The following PCID2 variants were observed in gnomAD, a reference collection of about 807,000 sequenced individuals.
PCID2 encodes PCI domain containing 2, also known as PCI domain-containing protein 2.
A neutral mutation model predicts 61.3 loss-of-function variants in PCID2; 41 were observed. The observed-to-expected ratio is 0.67, with a 90% confidence interval of 0.52 to 0.87. PCID2 has a LOEUF of 0.87. Ranked by LOEUF, PCID2 falls within the 40% of genes least tolerant of loss-of-function variation. PCID2 has a pLI of 0.00. For synonymous variants in PCID2, 187 were observed against 177.8 expected, an observed-to-expected ratio of 1.05 and a Z score of -0.41; for missense variants, 392 against 493.4, an observed-to-expected ratio of 0.79 and a Z score of 1.95.
intron 4 of PCID2, chr13:113,196,947 C>T: frequency 2.7e-6 from 3 of 1,094,352 alleles, no homozygotes; most frequent in Admixed American, 1.7e-5. Context: ...AGAGTAAGAT[C>T]CTTCTTCCTA....
chr13:113,170,237 G>A, the PCID2 span, among the ~76,000 whole-genome samples: 6 of 129,722 alleles, frequency 4.6e-5, no homozygotes, highest in African/African-American at 1.2e-4. Context: ...TCAACAATTC[G>A]TTAACAATCC....
At chr13:113,189,605 G>C (rs760431124) in intron 7 of PCID2, among the ~76,000 whole-genome samples, 4 of 151,638 alleles carry the variant, frequency 2.6e-5, no homozygotes, top group Non-Finnish European at 5.9e-5. Context: ...AAGAAAAAAT[G>C]GAAATTCTAA....
chr13:113,176,556 G>A (rs1313067063), downstream of PCID2, among the ~76,000 whole-genome samples: 9 of 152,142 alleles, frequency 5.9e-5, no homozygotes, highest in South Asian at 2.1e-4. Context: ...TAGCCCAGGC[G>A]TTCCAGACCA....
intron 9 of PCID2, among the ~76,000 whole-genome samples, chr13:113,182,066 A>C (rs2037687332): frequency 6.6e-6 from 1 of 152,194 alleles, no homozygotes; most frequent in Admixed American, 6.5e-5. Flanking sequence ...GTTCCTGTTT[A>C]TGTAAGTTCT....
At chr13:113,173,298 C>A (rs1269990725), downstream of PCID2, among the ~76,000 whole-genome samples, 1 of 152,352 alleles carries the variant, frequency 6.6e-6, no homozygotes, top group Non-Finnish European at 1.5e-5. Flanking sequence ...GTCCAGCCCC[C>A]AGTGAAACGT....
At chr13:113,171,394 C>A in the PCID2 span, among the ~76,000 whole-genome samples, 6 of 152,280 alleles carry the variant, frequency 3.9e-5, no homozygotes, top group East Asian at 5.8e-4. The surrounding 1 kb of genome is among the most constrained non-coding windows in gnomAD (Gnocchi z 5.1). Flanking sequence ...AAGGCTGTGG[C>A]ACTTGGTTGC....
chr13:113,174,891 C>T (rs943423570), downstream of PCID2, among the ~76,000 whole-genome samples: 9 of 152,336 alleles, frequency 5.9e-5, no homozygotes, highest in East Asian at 9.6e-4. Context: ...TGTGTACGCC[C>T]GTGGACTTGA....
intron 10 of PCID2, 63 bp downstream of exon 10, chr13:113,181,067 C>T: frequency 9.1e-7 from 1 of 1,099,098 alleles, no homozygotes; most frequent in Non-Finnish European, 1.4e-6. Context: ...TTTAAAAAAA[C>T]CTATCAGCTG....
the PCID2 span, among the ~76,000 whole-genome samples, chr13:113,169,907 C>CGGACTCTGTTCTGCA: frequency 2.0e-5 from 3 of 152,360 alleles, no homozygotes; most frequent in African/African-American, 7.2e-5. Flanking sequence ...TCTCCTCTGC[C>CGGACTCTGTTCTGCA]GGACTCTGTT....
intron 1 of PCID2, among the ~76,000 whole-genome samples, chr13:113,204,312 G>A (rs2039642603): frequency 6.6e-6 from 1 of 152,360 alleles, no homozygotes; most frequent in South Asian, 2.1e-4. Context: ...ACCTATGAGT[G>A]ACTGAAAGCT....
intron 1 of PCID2, among the ~76,000 whole-genome samples, chr13:113,204,540 G>A (rs944829404): frequency 3.9e-5 from 6 of 152,134 alleles, no homozygotes; most frequent in African/African-American, 1.2e-4. Context: ...GGGTGATGTC[G>A]CCACATCCTG....
chr13:113,171,938 G>A, the PCID2 span: 66 of 1,613,624 alleles, frequency 4.1e-5, no homozygotes, highest in African/African-American at 1.6e-4. The surrounding 1 kb of genome is among the most constrained non-coding windows in gnomAD (Gnocchi z 5.1). Flanking sequence ...GAGAAGCAGC[G>A]TGGCGGCCAT....
chr13:113,171,840 C>G, the PCID2 span: 1 of 1,613,630 alleles, frequency 6.2e-7, no homozygotes. This position sits in a 1 kb window ranked among gnomAD's most constrained non-coding sequence, Gnocchi z 5.1. Flanking sequence ...CTGGGCAACT[C>G]GCTGACCACG....
At position 113,197,091 on chromosome 13, in the gene PCID2, C is replaced by G. The variant is rs557392526; in HGVS notation, c.266+87G>C. ...CCTTTCTAACTGCAGAAATGAGCAA[C>G]TGGCCCAGTGTTTCCGGGTCTCAAG... On this transcript the variant is annotated intron_variant, in intron 4 of 13. Transcript: ENST00000337344. The G allele has an allele frequency of 1.6e-5, 26 of 1,614,210 alleles. No individual in the cohort carries two copies. The African/African-American group carries it at 2.7e-4, about 17-fold the overall frequency.
chr13:113,187,946 C>G (rs926005901), intron 7 of PCID2: 5 of 152,192 alleles, frequency 3.3e-5, no homozygotes, highest in Admixed American at 3.3e-4. Flanking sequence ...CAAAAATATA[C>G]GATCAAGCGA....
the PCID2 span, chr13:113,172,106 C>A: frequency 1.2e-6 from 2 of 1,612,420 alleles, no homozygotes; most frequent in Non-Finnish European, 1.7e-6. Flanking sequence ...CATGAACTAA[C>A]TGAAACTCAG....
chr13:113,206,995 G>A (rs559771476), intron 1 of PCID2, among the ~76,000 whole-genome samples: 172 of 152,324 alleles, frequency 1.1e-3, no homozygotes, highest in African/African-American at 4.0e-3. Flanking sequence ...ACATAGAGTA[G>A]AAGCTCGCTT....
intron 6 of PCID2, among the ~76,000 whole-genome samples, chr13:113,194,407 A>G (rs1359409077): frequency 6.6e-6 from 1 of 151,970 alleles, no homozygotes; most frequent in Non-Finnish European, 1.5e-5. Context: ...GAGACTCCCT[A>G]CACGTGACTC....
downstream of PCID2, among the ~76,000 whole-genome samples, chr13:113,173,030 C>G (rs577818466): frequency 6.6e-6 from 1 of 152,178 alleles, no homozygotes; most frequent in African/African-American, 2.4e-5. Context: ...TCTGCCAGCC[C>G]CTTCCATCTC....
Sources: allele counts gnomAD v4.1 joint callset (sites outside exome capture counted in the v4.1 genomes callset), GRCh38; gene constraint gnomAD v4.1.1; non-coding constraint Gnocchi (gnomAD v3.1); transcripts MANE v1.5; gene names NCBI Gene and HGNC (gene_info 2026-07-23, HGNC 2026-07-21).